Variants in UNC13C observed in about 807,000 individuals in gnomAD.
UNC13C encodes the protein protein unc-13 homolog C.
Under a neutral mutation model 245.4 loss-of-function variants are expected in UNC13C, and 174 were observed. The ratio of observed to expected loss-of-function variants is 0.71; its 90% CI spans 0.63 to 0.80. The LOEUF is 0.80. Ranked by LOEUF, UNC13C falls within the 30% of genes least tolerant of loss-of-function variation. UNC13C has a pLI of 0.00. For missense variants in UNC13C, 2,829 were observed against 2,602.9 expected, an observed-to-expected ratio of 1.09 and a Z score of -1.89; for synonymous variants, 992 against 895.1, an observed-to-expected ratio of 1.11 and a Z score of -1.93.
intron 27 of UNC13C, among the ~76,000 whole-genome samples, chr15:54,547,983 A>G: frequency 6.6e-6 from 1 of 152,136 alleles, no homozygotes; most frequent in Non-Finnish European, 1.5e-5. Context: ...CTTCAGCCGA[A>G]AAAGAAAAAG....
chr15:54,568,047 GTGAAT>G, intron 30 of UNC13C, 100 bp downstream of exon 30: 2 of 877,796 alleles, frequency 2.3e-6, no homozygotes, highest in Non-Finnish European at 3.1e-6. Context: ...TTTTGCTGTT[GTGAAT>G]TGAAGTATCA....
intron 2 of UNC13C, among the ~76,000 whole-genome samples, chr15:54,084,685 C>A (rs1207064266): frequency 1.3e-5 from 2 of 152,120 alleles, no homozygotes; most frequent in Non-Finnish European, 2.9e-5. Context: ...TACATAAAAA[C>A]ATGCAGAATA....
intron 4 of UNC13C, among the ~76,000 whole-genome samples, chr15:54,196,109 T>G (rs1015019288): frequency 2.0e-5 from 3 of 152,104 alleles, no homozygotes. Flanking sequence ...GAATAGGAGA[T>G]GAGGTTTATT....
intron 30 of UNC13C, among the ~76,000 whole-genome samples, chr15:54,600,040 G>A (rs1899323965): frequency 6.6e-6 from 1 of 151,956 alleles, no homozygotes; most frequent in South Asian, 2.1e-4. Flanking sequence ...AATATAGCAG[G>A]CATATGACCA....
intron 8 of UNC13C, among the ~76,000 whole-genome samples, chr15:54,262,095 C>G (rs1338930847): frequency 2.6e-5 from 4 of 152,162 alleles, no homozygotes; most frequent in African/African-American, 9.7e-5. Flanking sequence ...GGACAGAAGT[C>G]TGATTCCTTT....
At chr15:53,980,202 A>C (rs1893871711) in intron 1 of UNC13C, among the ~76,000 whole-genome samples, 1 of 152,212 alleles carries the variant, frequency 6.6e-6, no homozygotes, top group Admixed American at 6.5e-5. Flanking sequence ...CATTTTTGCC[A>C]AATGGTAGCT....
At chr15:54,436,138 A>G (rs2040981176) in intron 19 of UNC13C, among the ~76,000 whole-genome samples, 1 of 152,046 alleles carries the variant, frequency 6.6e-6, no homozygotes, top group Admixed American at 6.6e-5. Context: ...TGTTGGTGGG[A>G]ATGTAAATTA....
At chr15:53,943,606 A>T in the UNC13C span, among the ~76,000 whole-genome samples, 2 of 152,306 alleles carry the variant, frequency 1.3e-5, no homozygotes, top group Admixed American at 1.3e-4. Flanking sequence ...AATTTTATCC[A>T]TAAAGGGCTT....
chr15:53,862,183 A>T, the UNC13C span, among the ~76,000 whole-genome samples: 4 of 152,048 alleles, frequency 2.6e-5, no homozygotes, highest in South Asian at 6.2e-4. Flanking sequence ...CTATGTGCTC[A>T]TTTTCCTGCA....
intron 19 of UNC13C, among the ~76,000 whole-genome samples, chr15:54,448,137 G>T (rs113524037): frequency 2.0e-5 from 3 of 152,148 alleles, no homozygotes; most frequent in East Asian, 1.9e-4. Context: ...TGGTCTGAGA[G>T]ACAGTTTGTT....
At chr15:54,066,052 G>C (rs549317247) in intron 2 of UNC13C, among the ~76,000 whole-genome samples, 1 of 152,144 alleles carries the variant, frequency 6.6e-6, no homozygotes, top group Non-Finnish European at 1.5e-5. Context: ...TTATGACTTT[G>C]ATATTACTTC....
At chr15:54,074,383 A>G (rs560815298) in intron 2 of UNC13C, among the ~76,000 whole-genome samples, 2 of 152,190 alleles carry the variant, frequency 1.3e-5, no homozygotes, top group South Asian at 4.2e-4. Flanking sequence ...TCCATATGAA[A>G]TTTAAAGTAG....
chr15:54,447,790 C>T (rs1046061051), intron 19 of UNC13C, among the ~76,000 whole-genome samples: 2 of 152,080 alleles, frequency 1.3e-5, no homozygotes, highest in African/African-American at 4.8e-5. Flanking sequence ...CTGCTCTGAT[C>T]TTAGTTATTT....
At chr15:54,074,472 T>G (rs1482181258) in intron 2 of UNC13C, among the ~76,000 whole-genome samples, 1 of 152,246 alleles carries the variant, frequency 6.6e-6, no homozygotes, top group Non-Finnish European at 1.5e-5. Flanking sequence ...TTGGAAAGTA[T>G]GGCCATTTTC....
chr15:54,623,230 A>G (rs1434432133), intron 31 of UNC13C, among the ~76,000 whole-genome samples: 1 of 152,100 alleles, frequency 6.6e-6, no homozygotes, highest in Non-Finnish European at 1.5e-5. Context: ...AAAAACAGCT[A>G]TAATATCTAA....
chr15:54,160,930 T>C (rs906151159), intron 4 of UNC13C, among the ~76,000 whole-genome samples: 2 of 152,222 alleles, frequency 1.3e-5, no homozygotes, highest in Non-Finnish European at 2.9e-5. Flanking sequence ...CTCTTTCAAA[T>C]GTGAAAAATC....
rs573929285 is a variant in UNC13C at position 54,350,869 on chromosome 15, A to T, written c.4713+12380A>T. 5.3e-5 allele frequency among the ~76,000 whole-genome samples: 8 copies of T among 152,342 alleles called. No homozygotes were observed. In the South Asian group the frequency reaches 1.7e-3, roughly 32 times the overall value. The stretch of plus-strand genomic sequence containing the variant: ...AGATGGTTTTCCTTCACAAATGGTG[A>T]TAGGAAAAAATGAATTCATCTACAA... On this transcript the variant is annotated intron_variant, in intron 17 of 32. Coordinates refer to ENST00000260323, the MANE Select transcript of UNC13C (RefSeq NM_001080534.3).
intron 1 of UNC13C, among the ~76,000 whole-genome samples, chr15:53,995,166 C>T (rs950855701): frequency 6.6e-6 from 1 of 151,522 alleles, no homozygotes. Context: ...AACTGGTCAA[C>T]AAACAAATAG....
At chr15:54,462,910 G>A (rs1891934849) in intron 19 of UNC13C, among the ~76,000 whole-genome samples, 1 of 152,126 alleles carries the variant, frequency 6.6e-6, no homozygotes, top group South Asian at 2.1e-4. Context: ...AAGCCAGCTG[G>A]GCTCCTGAGT....
Sources: allele counts gnomAD v4.1 joint callset (sites outside exome capture counted in the v4.1 genomes callset), GRCh38; gene constraint gnomAD v4.1.1; transcripts MANE v1.5; gene names NCBI Gene and HGNC (gene_info 2026-07-23, HGNC 2026-07-21).